Variants in AGMO observed in about 807,000 individuals in gnomAD.
AGMO encodes alkylglycerol monooxygenase.
A neutral mutation model predicts 60.2 loss-of-function variants in AGMO; 75 were observed. The observed-to-expected ratio is 1.25, with a 90% confidence interval of 1.03 to 1.51. The LOEUF is 1.51. Ranked by LOEUF, AGMO falls within the 40% of genes most tolerant of loss-of-function variation. AGMO has a pLI of 0.00. For synonymous variants in AGMO, 261 were observed against 177.1 expected (o/e 1.47, Z -3.76); for missense variants, 763 against 525.5 (o/e 1.45, Z -4.42).
At chr7:15,192,774 G>C in the AGMO span, among the ~76,000 whole-genome samples, 2 of 152,104 alleles carry the variant, frequency 1.3e-5, no homozygotes, top group African/African-American at 4.8e-5. Flanking sequence ...GTCCATTTGA[G>C]TGTTCCCCCT....
chr7:15,289,284 T>C (rs1036074189), intron 12 of AGMO, among the ~76,000 whole-genome samples: 4 of 8,188 alleles, frequency 4.9e-4, no homozygotes, highest in African/African-American at 9.3e-4. Flanking sequence ...GAATGTTAAT[T>C]GTTTCTTTAT....
At chr7:15,545,438 C>T (rs1784752261) in intron 2 of AGMO, among the ~76,000 whole-genome samples, 1 of 151,902 alleles carries the variant, frequency 6.6e-6, no homozygotes, top group Non-Finnish European at 1.5e-5. Flanking sequence ...CTGTCTAAAT[C>T]TATTCTCTCT....
At chr7:15,305,616 C>CTA (rs1315426008) in intron 12 of AGMO, among the ~76,000 whole-genome samples, 1 of 151,620 alleles carries the variant, frequency 6.6e-6, no homozygotes, top group Non-Finnish European at 1.5e-5. Flanking sequence ...AATTACATTC[C>CTA]TATATATATA....
At chr7:15,535,660 G>T (rs1162549374) in intron 3 of AGMO, among the ~76,000 whole-genome samples, 1 of 151,866 alleles carries the variant, frequency 6.6e-6, no homozygotes, top group African/African-American at 2.4e-5. Context: ...CTTAATTTTT[G>T]TGGGTACATA....
intron 2 of AGMO, among the ~76,000 whole-genome samples, chr7:15,551,932 A>G (rs1461666451): frequency 6.6e-6 from 1 of 151,468 alleles, no homozygotes; most frequent in Non-Finnish European, 1.5e-5. Flanking sequence ...CTACAAGGCT[A>G]CAGTAACCAA....
At chr7:15,447,028 G>T (rs1781716494) in intron 3 of AGMO, among the ~76,000 whole-genome samples, 1 of 152,148 alleles carries the variant, frequency 6.6e-6, no homozygotes, top group South Asian at 2.1e-4. Flanking sequence ...TGGACACTGA[G>T]GCACCAAACG....
intron 3 of AGMO, among the ~76,000 whole-genome samples, chr7:15,512,741 TC>T (rs1461625205): frequency 6.6e-6 from 1 of 152,206 alleles, no homozygotes; most frequent in African/African-American, 2.4e-5. Flanking sequence ...TATTTTTATT[TC>T]CCTATAATTC....
chr7:15,322,960 C>CGTGT (rs533342378), intron 12 of AGMO, among the ~76,000 whole-genome samples: 3 of 114,000 alleles, frequency 2.6e-5, no homozygotes, highest in African/African-American at 1.0e-4. Flanking sequence ...ATATATAACA[C>CGTGT]GTGTGTGTAT....
chr7:15,372,144 T>C (rs908054182), intron 10 of AGMO, among the ~76,000 whole-genome samples: 2 of 122,790 alleles, frequency 1.6e-5, no homozygotes. Context: ...GATAATCAGT[T>C]GAACGTCTCT....
At chr7:15,441,805 G>C (rs1460398462) in intron 3 of AGMO, among the ~76,000 whole-genome samples, 2 of 152,056 alleles carry the variant, frequency 1.3e-5, no homozygotes, top group African/African-American at 4.8e-5. Context: ...GGAATTCTTA[G>C]GAAAAGACAG....
At chr7:15,277,897 C>T (rs1408542062) in intron 12 of AGMO, among the ~76,000 whole-genome samples, 1 of 152,108 alleles carries the variant, frequency 6.6e-6, no homozygotes, top group East Asian at 1.9e-4. Flanking sequence ...CCAATGATGA[C>T]AAGGGCGCTA....
chr7:15,351,374 A>T (rs1176706784), intron 12 of AGMO, among the ~76,000 whole-genome samples: 4 of 152,194 alleles, frequency 2.6e-5, no homozygotes, highest in Non-Finnish European at 5.9e-5. Flanking sequence ...CATTTTGATT[A>T]CAGAAGAGGT....
intron 1 of AGMO, among the ~76,000 whole-genome samples, chr7:15,560,520 A>G (rs1485055228): frequency 6.6e-6 from 1 of 152,160 alleles, no homozygotes; most frequent in Non-Finnish European, 1.5e-5. Flanking sequence ...AGATATAACC[A>G]CGATAATTAT....
chr7:15,418,668 TA>T lies in AGMO; in HGVS notation c.514-16del, dbSNP rs760159093. 99 of 1,460,386 alleles carry T rather than the reference TA, an allele frequency of 6.8e-5. No homozygotes were observed. The highest frequency in any genetic ancestry group is 1.1e-4 in the Admixed American group (5 of 44,434). 90.5% of individuals were successfully genotyped at this position (1,460,386 alleles called of 1,614,324 possible). Reference sequence around the variant, plus strand: ...GAGTAGAAAATCTGAAAGAAAAAATTAAAAAAAAATTAATTTGCATATATGA... The same window carrying T: ...GAGTAGAAAATCTGAAAGAAAAAATTAAAAAAAATTAATTTGCATATATGA... On this transcript the variant is annotated splice_polypyrimidine_tract_variant and intron_variant, in intron 4 of 12. Transcript: ENST00000342526.
intron 3 of AGMO, among the ~76,000 whole-genome samples, chr7:15,493,927 C>T (rs1196441649): frequency 6.6e-6 from 1 of 152,102 alleles, no homozygotes; most frequent in Non-Finnish European, 1.5e-5. Flanking sequence ...TATATGCGTG[C>T]AATGTGTACT....
At chr7:15,141,530 G>A in the AGMO span, among the ~76,000 whole-genome samples, 2 of 152,144 alleles carry the variant, frequency 1.3e-5, no homozygotes, top group South Asian at 2.1e-4. Flanking sequence ...CGGTTGCAGT[G>A]AGCAGTGATC....
intron 12 of AGMO, among the ~76,000 whole-genome samples, chr7:15,348,447 T>C (rs1782112693): frequency 1.3e-5 from 2 of 152,054 alleles, no homozygotes; most frequent in South Asian, 4.1e-4. Flanking sequence ...GATTTCAGGA[T>C]CAAATGAAAG....
At chr7:15,542,759 T>A (rs186795983) in intron 3 of AGMO, among the ~76,000 whole-genome samples, 1 of 152,310 alleles carries the variant, frequency 6.6e-6, no homozygotes, top group East Asian at 1.9e-4. Flanking sequence ...ATGTTTGATT[T>A]TGGAGTAGCC....
chr7:15,196,471 T>C (rs922888486), downstream of AGMO, among the ~76,000 whole-genome samples: 2 of 152,226 alleles, frequency 1.3e-5, no homozygotes, highest in Non-Finnish European at 2.9e-5. Context: ...ATCTTTGCTA[T>C]AGAAACAATA....
Sources: gnomAD v4.1 joint callset for allele counts (sites outside exome capture counted in the v4.1 genomes callset) on GRCh38, gnomAD v4.1.1 for gene constraint, MANE v1.5 for transcripts, NCBI Gene and HGNC (gene_info 2026-07-23, HGNC 2026-07-21) for gene names.